The following KCNQ5 variants were observed in gnomAD, a reference collection of about 807,000 sequenced individuals.
KCNQ5 encodes potassium voltage-gated channel subfamily Q member 5.
KCNQ5 carries 30 observed loss-of-function variants against 98.2 expected under a neutral mutation model. The ratio of observed to expected loss-of-function variants is 0.31; its 90% CI spans 0.23 to 0.41. The LOEUF is 0.41. KCNQ5 is among the 10% of genes least tolerant of loss of function. The pLI, the probability that KCNQ5 is intolerant of heterozygous loss-of-function variation, is 1.00. For missense variants in KCNQ5, 835 were observed against 1,182.5 expected (o/e 0.71, Z 4.31); for synonymous variants, 458 against 449.4 (o/e 1.02, Z -0.24).
intron 1 of KCNQ5, among the ~76,000 whole-genome samples, chr6:72,837,287 C>A (rs1045590517): frequency 6.6e-6 from 1 of 152,110 alleles, no homozygotes; most frequent in Non-Finnish European, 1.5e-5. Flanking sequence ...TGGCTGTATC[C>A]TACACAAAAC....
intron 3 of KCNQ5, among the ~76,000 whole-genome samples, chr6:73,057,300 G>A (rs1254195880): frequency 7.1e-6 from 1 of 141,712 alleles, no homozygotes; most frequent in East Asian, 2.2e-4. Flanking sequence ...GATGCAGGGT[G>A]GGGAACATCA....
At chr6:72,652,604 G>GT (rs1765932942) in intron 1 of KCNQ5, among the ~76,000 whole-genome samples, 1 of 151,984 alleles carries the variant, frequency 6.6e-6, no homozygotes, top group Admixed American at 6.6e-5. Flanking sequence ...CCTTGGATCT[G>GT]TAAGACTTTT....
intron 1 of KCNQ5, chr6:72,987,811 G>C (rs914288720): frequency 2.6e-6 from 1 of 377,992 alleles, no homozygotes; most frequent in African/African-American, 2.1e-5. Flanking sequence ...ATTTATGCTG[G>C]AGATTACAAG....
At chr6:72,704,344 C>T (rs1472576858) in intron 1 of KCNQ5, among the ~76,000 whole-genome samples, 1 of 151,946 alleles carries the variant, frequency 6.6e-6, no homozygotes, top group African/African-American at 2.4e-5. Context: ...ATTATTTAAA[C>T]CTTTAAATAA....
intron 1 of KCNQ5, among the ~76,000 whole-genome samples, chr6:72,923,714 A>G (rs752441144): frequency 2.6e-5 from 4 of 152,182 alleles, no homozygotes; most frequent in Non-Finnish European, 5.9e-5. Context: ...CTGCCCTAGT[A>G]GTCTGCAGTG....
intron 5 of KCNQ5, among the ~76,000 whole-genome samples, chr6:73,083,243 G>T (rs1386372323): frequency 6.6e-6 from 1 of 152,128 alleles, no homozygotes; most frequent in South Asian, 2.1e-4. Context: ...TAATGGCATG[G>T]TTTAATTTTA....
Position 73,194,912 on chromosome 6 carries a change from T to G in KCNQ5, c.2297T>G (p.Leu766Arg), listed in dbSNP as rs1394691757. ...AAGCATCTGCCCAGGCCAGAAACTC[T>G]GCACCCTAACCCTGCAGGCTTACAG... The part of the protein sequence containing the change: ...AIKHLPRPET[L>R]HPNPAGLQES... The change falls in exon 14 of 14, where the codon CTG becomes CGG. Residue 766 changes from leucine to arginine, a missense_variant. Around this residue, in one of 10 missense-constraint regions of KCNQ5, gnomAD observed 416 missense variants for 446.9 expected, o/e 0.93. Transcript: ENST00000370398. 1.2e-6 allele frequency: 2 copies of G among 1,614,192 alleles called. No homozygotes were observed. The highest frequency in any genetic ancestry group is 3.3e-5 in the Admixed American group (2 of 60,004).
At chr6:73,118,973 A>G (rs1023155365) in intron 7 of KCNQ5, among the ~76,000 whole-genome samples, 3 of 152,226 alleles carry the variant, frequency 2.0e-5, no homozygotes, top group African/African-American at 7.2e-5. Context: ...GACAGCCAAG[A>G]TTGTGCCACT....
rs184691493 is a variant in KCNQ5, at chr6:72,825,890, A to G, written c.399-178018A>G. Among the ~76,000 whole-genome samples the G allele has an allele frequency of 6.6e-5, 10 of 152,258 alleles. 1 individual carries two copies. The highest frequency in any genetic ancestry group is 2.2e-4 in the African/African-American group (9 of 41,566). On this transcript the variant is annotated intron_variant, in intron 1 of 13. Coordinates refer to ENST00000370398, the MANE Select transcript of KCNQ5 (RefSeq NM_019842.4). ...GAATGTTTTATGTTTAAATGAAGAG[A>G]GAAAACTTTAATCAGATTAAATATA... is the stretch of plus-strand genomic sequence containing the variant.
At chr6:72,690,374 T>C (rs1263151651) in intron 1 of KCNQ5, among the ~76,000 whole-genome samples, 1 of 152,210 alleles carries the variant, frequency 6.6e-6, no homozygotes, top group Non-Finnish European at 1.5e-5. Flanking sequence ...TCCTAAATTT[T>C]TTTTACCTGC....
intron 1 of KCNQ5, among the ~76,000 whole-genome samples, chr6:72,709,090 C>T (rs1769231667): frequency 6.6e-6 from 1 of 152,174 alleles, no homozygotes; most frequent in South Asian, 2.1e-4. Context: ...CTGATCCACC[C>T]ACCTTGGCCC....
chr6:72,792,227 C>G (rs1310482495), intron 1 of KCNQ5, among the ~76,000 whole-genome samples: 1 of 152,144 alleles, frequency 6.6e-6, no homozygotes, highest in African/African-American at 2.4e-5. Context: ...TTCAGTGTCT[C>G]ATAGTCTTTC....
chr6:73,007,903 C>T (rs1182296417), intron 2 of KCNQ5, among the ~76,000 whole-genome samples: 1 of 152,038 alleles, frequency 6.6e-6, no homozygotes, highest in Non-Finnish European at 1.5e-5. Context: ...CTTCATTTTT[C>T]TTTTTTCCTT....
At chr6:72,809,735 A>G (rs1775153402) in intron 1 of KCNQ5, among the ~76,000 whole-genome samples, 1 of 152,214 alleles carries the variant, frequency 6.6e-6, no homozygotes, top group Non-Finnish European at 1.5e-5. Context: ...ACAAAGGAGC[A>G]TTTAGTGACA....
At chr6:72,978,015 A>G (rs1043333714) in intron 1 of KCNQ5, among the ~76,000 whole-genome samples, 6 of 152,224 alleles carry the variant, frequency 3.9e-5, no homozygotes, top group Non-Finnish European at 5.9e-5. Context: ...TTAATAAGAT[A>G]CACAAGTTTT....
rs1582358223 is a variant in KCNQ5 at position 72,822,841 on chromosome 6, C to T, written c.399-181067C>T. Among the ~76,000 whole-genome samples, 6 of 152,136 alleles carry T rather than the reference C, an allele frequency of 3.9e-5. No homozygotes were observed. The South Asian group carries it at 1.2e-3, about 32-fold the overall frequency. ...AGGTGAATGCAGAGCTGTATTCCTC[C>T]TGGAAGCTATAGGAGAGAATGCATT... On this transcript the variant is annotated intron_variant, in intron 1 of 13. Transcript: ENST00000370398.
chr6:73,082,316 GAA>G (rs796427150), intron 5 of KCNQ5, among the ~76,000 whole-genome samples: 300 of 152,316 alleles, frequency 2.0e-3, no homozygotes, highest in African/African-American at 6.9e-3. Flanking sequence ...GAACTTTACT[GAA>G]AGAGATGGTG....
At chr6:73,188,853 C>T (rs1293488348) in intron 11 of KCNQ5, among the ~76,000 whole-genome samples, 2 of 152,012 alleles carry the variant, frequency 1.3e-5, no homozygotes, top group East Asian at 1.9e-4. Flanking sequence ...TATGGTGGCA[C>T]GTGCCTGTAA....
At chr6:72,873,384 T>C (rs886550799) in intron 1 of KCNQ5, among the ~76,000 whole-genome samples, 8 of 152,160 alleles carry the variant, frequency 5.3e-5, no homozygotes, top group Admixed American at 3.9e-4. Context: ...TCCTGAAGTA[T>C]ACTATCAATT....
Sources: gnomAD v4.1 joint callset for allele counts (sites outside exome capture counted in the v4.1 genomes callset) on GRCh38, gnomAD v4.1.1 for gene constraint, gnomAD v4.1.1 regional missense constraint, MANE v1.5 for transcripts, NCBI Gene and HGNC (gene_info 2026-07-23, HGNC 2026-07-21) for gene names.